Variants in GLYATL2 observed in about 807,000 individuals in gnomAD.
GLYATL2 encodes glycine-N-acyltransferase like 2.
Under a neutral mutation model 21.4 loss-of-function variants are expected in GLYATL2, and 25 were observed. The ratio of observed to expected loss-of-function variants is 1.17; its 90% CI spans 0.85 to 1.63. GLYATL2 has a LOEUF of 1.63. Among genes scored for constraint, GLYATL2 ranks in the 40% most tolerant of loss-of-function variants. GLYATL2 has a pLI of 0.00. For missense variants in GLYATL2, 361 were observed against 343.3 expected (o/e 1.05, Z -0.41); for synonymous variants, 114 against 118.2 (o/e 0.96, Z 0.23).
Position 58,838,358 on chromosome 11 carries a change from G to GCGCCTA in GLYATL2, c.88_89insTAGGCG (p.Gly29_Ala30insValGly), listed in dbSNP as rs1565087915. 6.2e-7 allele frequency: 1 copy of GCGCCTA among 1,609,440 alleles called. No individual in the cohort carries two copies. The highest frequency in any genetic ancestry group is 1.7e-5 in the Admixed American group (1 of 59,924). On this transcript the variant is annotated inframe_insertion, in exon 3 of 6. Transcript: ENST00000287275. ...GTTTTTATCTTTTATGTTGAAAATGGCGCCATATACCTACGATGCAACAGA... is the reference window on the plus strand; with the variant it reads ...GTTTTTATCTTTTATGTTGAAAATGGCGCCTACGCCATATACCTACGATGCAACAGA...
rs797019475 is a variant in GLYATL2 at position 58,878,036 on chromosome 11, C to G, written n.60+26120G>C. Among the ~76,000 whole-genome samples, 15 of 152,290 alleles carry G rather than the reference C, an allele frequency of 9.8e-5. 1 individual carries two copies. Among genetic ancestry groups the G allele is most frequent in the African/African-American group, 3.1e-4 (13 of 41,544 alleles). On this transcript the variant is annotated intron_variant and non_coding_transcript_variant, in intron 1 of 4. Transcript: ENST00000533636. ...GCTGAATGTTCAAACTGTGTTCATA[C>G]AAGGCAAACACCCAGTTGTAACCAA...
intron 1 of GLYATL2, chr11:58,892,890 T>G (rs546537528): frequency 6.5e-6 from 2 of 305,682 alleles, no homozygotes; most frequent in East Asian, 6.6e-5. Flanking sequence ...TGTACTTTTT[T>G]GTAATTCACA....
Position 58,837,355 on chromosome 11 carries a change from T to C in GLYATL2, c.229A>G (p.Ile77Val), listed in dbSNP as rs1853455605. 1.2e-6 allele frequency: 2 copies of C among 1,613,508 alleles called. No homozygotes were observed. Among genetic ancestry groups the C allele is most frequent in the South Asian group, 1.1e-5 (1 of 91,080 alleles). ...DQDHYTNTYHIFTKAPDKLEE... is the reference protein window; with the variant it reads ...DQDHYTNTYHVFTKAPDKLEE... ...AATTTGTCAGGAGCTTTGGTGAAGA[T>C]GTGGTAAGTGTTGGTATAATGATCC... Residue 77 changes from isoleucine to valine, a missense_variant, in exon 4 of 6, where the codon ATC becomes GTC. Ile to Val is a conservative substitution (Grantham distance 29). Coordinates refer to ENST00000287275, the MANE Select transcript of GLYATL2 (RefSeq NM_145016.4).
chr11:58,871,154 G>T (rs754833316), intron 1 of GLYATL2, among the ~76,000 whole-genome samples: 10 of 152,294 alleles, frequency 6.6e-5, no homozygotes, highest in Non-Finnish European at 1.5e-4. Flanking sequence ...ATAGCTATTG[G>T]ATGGAATTCA....
chr11:58,898,636 C>T (rs1854676477), intron 1 of GLYATL2, among the ~76,000 whole-genome samples: 1 of 151,990 alleles, frequency 6.6e-6, no homozygotes, highest in Admixed American at 6.5e-5. Flanking sequence ...GAGATCGAGA[C>T]CATCCTGGCT....
intron 1 of GLYATL2, among the ~76,000 whole-genome samples, chr11:58,867,546 C>A (rs939236920): frequency 1.3e-5 from 2 of 148,752 alleles, no homozygotes; most frequent in Non-Finnish European, 3.0e-5. Context: ...TCAAGACTAG[C>A]CAGCTGGAGA....
chr11:58,876,019 T>TC (rs1854224447), intron 1 of GLYATL2, among the ~76,000 whole-genome samples: 1 of 152,194 alleles, frequency 6.6e-6, no homozygotes, highest in South Asian at 2.1e-4. Context: ...AAACTTCTCT[T>TC]TATGCTTCAT....
At chr11:58,888,783 A>G (rs755398461) in intron 1 of GLYATL2, among the ~76,000 whole-genome samples, 1 of 151,944 alleles carries the variant, frequency 6.6e-6, no homozygotes, top group South Asian at 2.1e-4. Flanking sequence ...GCAATTGCAT[A>G]CATTGTACAT....
At chr11:58,839,305 G>C (rs1339381917) in intron 2 of GLYATL2, among the ~76,000 whole-genome samples, 1 of 152,150 alleles carries the variant, frequency 6.6e-6, no homozygotes, top group African/African-American at 2.4e-5. Context: ...ACCTGGAAGA[G>C]ATGACAAAGT....
chr11:58,858,727 T>C (rs998515901), intron 1 of GLYATL2, among the ~76,000 whole-genome samples: 2 of 152,212 alleles, frequency 1.3e-5, no homozygotes, highest in African/African-American at 4.8e-5. Context: ...TCCTAATTTA[T>C]TGTTCTTGGT....
At chr11:58,907,479 G>C (rs80261111), upstream of GLYATL2, 4 of 388,872 alleles carry the variant, frequency 1.0e-5, no homozygotes, top group African/African-American at 1.1e-4. Context: ...GCTCTTTTTT[G>C]TTTGTTTTGT....
intron 1 of GLYATL2, among the ~76,000 whole-genome samples, chr11:58,876,562 C>T (rs986924095): frequency 6.6e-6 from 1 of 152,134 alleles, no homozygotes; most frequent in African/African-American, 2.4e-5. Context: ...TACTCCAGAC[C>T]CTGTTTGCCT....
chr11:58,836,717 G>A (rs1406153062), intron 5 of GLYATL2, among the ~76,000 whole-genome samples: 1 of 152,064 alleles, frequency 6.6e-6, no homozygotes, highest in Non-Finnish European at 1.5e-5. Flanking sequence ...CTATAAGCAT[G>A]CAGCATTTTG....
At position 58,834,346 on chromosome 11, in the gene GLYATL2, G is replaced by T; in HGVS notation, c.*83C>A. On this transcript the variant is annotated 3_prime_UTR_variant, in exon 6 of 6. Transcript: ENST00000287275. ...GATCCTAGATAATCAGTTGCATTTT[G>T]TGCTAATGTAGATCACAATGCTTGT... 1.8e-6 allele frequency: 2 copies of T among 1,126,350 alleles called. No individual in the cohort carries two copies. The highest frequency in any genetic ancestry group is 1.3e-6 in the Non-Finnish European group (1 of 792,628). The allele number at this position is 1,126,350 out of a possible 1,614,324, so 69.8% of individuals were successfully genotyped here.
upstream of GLYATL2, chr11:58,907,165 G>A: frequency 2.3e-6 from 1 of 443,806 alleles, no homozygotes; most frequent in Non-Finnish European, 4.5e-6. Context: ...GCTCTGATCA[G>A]TACACAGTTG....
At chr11:58,899,665 T>C (rs906925680) in intron 1 of GLYATL2, among the ~76,000 whole-genome samples, 4 of 151,996 alleles carry the variant, frequency 2.6e-5, no homozygotes, top group African/African-American at 9.7e-5. Flanking sequence ...CGGGTTAGGG[T>C]TGCAGTCTGA....
At chr11:58,834,935 T>C in intron 5 of GLYATL2, 98 bp from the exon 6 acceptor site, 1 of 876,718 alleles carries the variant, frequency 1.1e-6, no homozygotes, top group Middle Eastern at 2.3e-4. Flanking sequence ...TTAAGGACCC[T>C]ACAGCCTGGA....
intron 1 of GLYATL2, among the ~76,000 whole-genome samples, chr11:58,877,246 G>A (rs1408739798): frequency 2.6e-5 from 4 of 152,208 alleles, no homozygotes; most frequent in East Asian, 3.9e-4. Flanking sequence ...CAGGTGAGGC[G>A]ATGCCTCGCC....
At chr11:58,898,015 T>C (rs768946050) in intron 1 of GLYATL2, among the ~76,000 whole-genome samples, 4 of 152,230 alleles carry the variant, frequency 2.6e-5, no homozygotes, top group Non-Finnish European at 5.9e-5. Context: ...TGGAGTCTTA[T>C]TAATTCACTT....
Sources: gnomAD v4.1 joint callset for allele counts (sites outside exome capture counted in the v4.1 genomes callset) on GRCh38, gnomAD v4.1.1 for gene constraint, MANE v1.5 for transcripts, NCBI Gene and HGNC (gene_info 2026-07-23, HGNC 2026-07-21) for gene names.